The following FAM177B variants were observed in gnomAD, a reference collection of about 807,000 sequenced individuals.
The protein encoded by FAM177B is family with sequence similarity 177 member B, also known as protein FAM177B.
In FAM177B, 16 loss-of-function variants were observed where a neutral mutation model predicts 16.1. The ratio of observed to expected loss-of-function variants is 0.99; its 90% CI spans 0.67 to 1.51. FAM177B has a LOEUF of 1.51. Ranked by LOEUF, FAM177B falls within the 40% of genes most tolerant of loss-of-function variation. The pLI is 0.00. For synonymous variants in FAM177B, 56 were observed against 59.9 expected, an observed-to-expected ratio of 0.93 and a Z score of 0.30; for missense variants, 178 against 183.7, an observed-to-expected ratio of 0.97 and a Z score of 0.18.
At chr1:222,744,484 A>G (rs1270841033) in intron 2 of FAM177B, among the ~76,000 whole-genome samples, 1 of 152,066 alleles carries the variant, frequency 6.6e-6, no homozygotes, top group Non-Finnish European at 1.5e-5. Context: ...AAAAAAAAAA[A>G]AAAAAGGCAA....
intron 4 of FAM177B, among the ~76,000 whole-genome samples, chr1:222,748,589 GTAAT>G (rs1658906274): frequency 6.6e-6 from 1 of 152,216 alleles, no homozygotes; most frequent in Admixed American, 6.5e-5. Flanking sequence ...GACGACACAG[GTAAT>G]TAATTTTTTC....
chr1:222,747,967 C>T lies in FAM177B; in HGVS notation c.241+886C>T, dbSNP rs895795728. On this transcript the variant is annotated intron_variant, in intron 4 of 5. Coordinates refer to ENST00000445590, the MANE Select transcript of FAM177B (RefSeq NM_001394345.1). ...TATAGGGGCTCTGACCTGGAAGACT[C>T]GGGCATGCTGACATGTGGGGGAGAC... 4.6e-5 allele frequency among the ~76,000 whole-genome samples: 7 copies of T among 152,124 alleles called. No homozygotes were observed. In the South Asian group the frequency reaches 1.2e-3, roughly 27 times the overall value.
intron 4 of FAM177B, among the ~76,000 whole-genome samples, chr1:222,748,763 G>A (rs917541151): frequency 6.6e-6 from 1 of 152,166 alleles, no homozygotes; most frequent in Non-Finnish European, 1.5e-5. Flanking sequence ...TTTAAAAACA[G>A]CATCATTTTG....
At chr1:222,739,998 A>G (rs1484441822) in intron 2 of FAM177B, among the ~76,000 whole-genome samples, 2 of 152,206 alleles carry the variant, frequency 1.3e-5, no homozygotes, top group Non-Finnish European at 2.9e-5. Context: ...TTAGCATCAG[A>G]AACTAAATGA....
chr1:222,740,321 T>C (rs1024382725), intron 2 of FAM177B, among the ~76,000 whole-genome samples: 3 of 152,248 alleles, frequency 2.0e-5, no homozygotes, highest in Non-Finnish European at 4.4e-5. Context: ...TTCGATCTTC[T>C]AGTCTTCATT....
chr1:222,747,832 A>T (rs1444917792), intron 4 of FAM177B, among the ~76,000 whole-genome samples: 1 of 152,254 alleles, frequency 6.6e-6, no homozygotes, highest in Non-Finnish European at 1.5e-5. Flanking sequence ...GGACACAAAG[A>T]TGAATGACAA....
intron 2 of FAM177B, among the ~76,000 whole-genome samples, chr1:222,744,306 A>G (rs1050862026): frequency 1.3e-5 from 2 of 152,116 alleles, no homozygotes; most frequent in African/African-American, 4.8e-5. Flanking sequence ...CCCCGTCTCT[A>G]GTAAAAATAC....
At position 222,746,719 on chromosome 1, in the gene FAM177B, T is replaced by A; in HGVS notation, c.174T>A (p.Pro58=). The A allele has an allele frequency of 6.2e-7, 1 of 1,605,132 alleles. No individual in the cohort carries two copies. Among genetic ancestry groups the A allele is most frequent in the Non-Finnish European group, 8.5e-7 (1 of 1,174,650 alleles). The change falls in exon 3 of 6, where the codon CCT becomes CCA. Residue 58 remains proline (P), a splice_region_variant and synonymous_variant. Transcript: ENST00000445590. ...AGAGCACAAATTCAACACTTGACCC[T>A]GTAAGCTTAGTATATCAATATTAGG... ...EEQSTNSTLD[P]SKLSWGPYLR...
chr1:222,746,850 A>G, intron 3 of FAM177B, 131 bp downstream of exon 3: 2 of 948,032 alleles, frequency 2.1e-6, no homozygotes, highest in Non-Finnish European at 3.2e-6. Context: ...TGCTTTCTAA[A>G]TCCATGCATA....
intron 2 of FAM177B, among the ~76,000 whole-genome samples, chr1:222,741,570 C>G (rs2125059349): frequency 6.6e-6 from 1 of 151,660 alleles, no homozygotes; most frequent in East Asian, 1.9e-4. Context: ...CTCTGTCGCC[C>G]AGGCTAGAGT....
chr1:222,745,628 A>C (rs1006670169), intron 2 of FAM177B, among the ~76,000 whole-genome samples: 48 of 150,558 alleles, frequency 3.2e-4, no homozygotes, highest in Middle Eastern at 3.6e-3. Context: ...GCAGCCCCCC[A>C]AAAAAATTTT....
At chr1:222,741,437 A>G (rs956130204) in intron 2 of FAM177B, among the ~76,000 whole-genome samples, 1 of 152,026 alleles carries the variant, frequency 6.6e-6, no homozygotes, top group East Asian at 1.9e-4. Flanking sequence ...TAATCTTTCA[A>G]TAAAGATGCA....
At chr1:222,749,586 A>C (rs1658963291) in intron 5 of FAM177B, 24 bp downstream of exon 5, 2 of 1,373,766 alleles carry the variant, frequency 1.5e-6, no homozygotes, top group Non-Finnish European at 2.1e-6. Context: ...TGATGGAAAC[A>C]AGGGGCCTGA....
At position 222,750,209 on chromosome 1, in the gene FAM177B, G is replaced by A; in HGVS notation, c.*151G>A. On this transcript the variant is annotated 3_prime_UTR_variant, in exon 6 of 6. Coordinates refer to ENST00000445590, the MANE Select transcript of FAM177B (RefSeq NM_001394345.1). ...TGAGCCAGATCTGATCCTAATCTCT[G>A]TGTGACTTAGTCTCAAGCATCCAGG... 6.9e-7 allele frequency: 1 copy of A among 1,442,280 alleles called. No individual in the cohort carries two copies. Among genetic ancestry groups the A allele is most frequent in the South Asian group, 1.6e-5 (1 of 61,704 alleles). 89.3% of individuals were successfully genotyped at this position (1,442,280 alleles called of 1,614,324 possible).
intron 2 of FAM177B, among the ~76,000 whole-genome samples, chr1:222,744,049 T>C (rs993934540): frequency 2.0e-5 from 3 of 152,232 alleles, no homozygotes; most frequent in Admixed American, 6.5e-5. Flanking sequence ...GCTTCCTTAG[T>C]GTACTTATGA....
chr1:222,746,813 T>G, intron 3 of FAM177B, 94 bp downstream of exon 3: 1 of 1,145,470 alleles, frequency 8.7e-7, no homozygotes, highest in Admixed American at 2.6e-5. Flanking sequence ...AAGAATAGCT[T>G]TAAGCTAAGT....
At chr1:222,738,419 C>T (rs937087949) in intron 2 of FAM177B, among the ~76,000 whole-genome samples, 19 of 151,966 alleles carry the variant, frequency 1.3e-4, no homozygotes, top group African/African-American at 4.6e-4. Flanking sequence ...GGTAGAGGTG[C>T]TCCCAAGAAT....
rs1270847988 is a variant in FAM177B at position 222,746,705 on chromosome 1, T to C, written c.160T>C (p.Ser54Pro). 2 of 1,610,688 alleles carry C rather than the reference T, an allele frequency of 1.2e-6. No individual in the cohort carries two copies. The highest frequency in any genetic ancestry group is 2.7e-5 in the African/African-American group (2 of 74,778). The change falls in exon 3 of 6, where the codon TCA becomes CCA. Residue 54 changes from serine (S) to proline (P), a missense_variant. By Grantham distance (74) the Ser-to-Pro change is moderately conservative (BLOSUM62 -1). Coordinates refer to ENST00000445590, the MANE Select transcript of FAM177B (RefSeq NM_001394345.1). ...GGAAAAGGAGGAGCAGAGCACAAAT[T>C]CAACACTTGACCCTGTAAGCTTAGT... Reference protein sequence around the residue: ...EEEKEEQSTNSTLDPSKLSWG... With the variant: ...EEEKEEQSTNPTLDPSKLSWG...
chr1:222,746,442 T>C (rs924406729), intron 2 of FAM177B, 89 bp from the exon 3 acceptor site: 20 of 685,448 alleles, frequency 2.9e-5, no homozygotes, highest in Non-Finnish European at 4.9e-5. Flanking sequence ...TACCTCTGAG[T>C]TCTCTGTCTT....
Sources: allele counts gnomAD v4.1 joint callset (sites outside exome capture counted in the v4.1 genomes callset), GRCh38; gene constraint gnomAD v4.1.1; transcripts MANE v1.5; gene names NCBI Gene and HGNC (gene_info 2026-07-23, HGNC 2026-07-21).